RFTN2: variants seen among roughly 807,000 people sequenced by gnomAD.
RFTN2 encodes the protein raftlin-2.
Under a neutral mutation model 52.7 loss-of-function variants are expected in RFTN2, and 34 were observed. The ratio of observed to expected loss-of-function variants is 0.64; its 90% CI spans 0.49 to 0.86. RFTN2 has a LOEUF of 0.86. Ranked by LOEUF, RFTN2 falls within the 40% of genes least tolerant of loss-of-function variation. The probability of loss-of-function intolerance (pLI) is 0.00; values close to 1 mark genes in which losing one functional copy is unlikely to be tolerated. For missense variants in RFTN2, 536 were observed against 600.1 expected, an observed-to-expected ratio of 0.89 and a Z score of 1.12; for synonymous variants, 203 against 217.7, an observed-to-expected ratio of 0.93 and a Z score of 0.59.
At chr2:197,625,169 A>T (rs141206709) in intron 5 of RFTN2, among the ~76,000 whole-genome samples, 1 of 152,196 alleles carries the variant, frequency 6.6e-6, no homozygotes, top group East Asian at 1.9e-4. Flanking sequence ...AAATATATTC[A>T]TCTTACATAA....
Position 197,571,545 on chromosome 2 carries a change from AT to A in RFTN2, c.*462del, listed in dbSNP as rs1287878051. 6.4e-6 allele frequency: 1 copy of A among 155,360 alleles called. No individual in the cohort carries two copies. 9.6% of individuals were successfully genotyped at this position (155,360 alleles called of 1,614,324 possible). On this transcript the variant is annotated 3_prime_UTR_variant, in exon 9 of 9. Transcript: ENST00000295049. ...TATTATATTTGGGAAATAGATATTTATTTGCACTAATTAGCTGTGTGTGTGT... is the reference window on the plus strand; with the variant it reads ...TATTATATTTGGGAAATAGATATTTATTGCACTAATTAGCTGTGTGTGTGT...
In RFTN2 at chr2:197,640,224, A is replaced by G. The variant is rs1457495174; in HGVS notation, c.438+3934T>C. Among the ~76,000 whole-genome samples the G allele has an allele frequency of 2.6e-5, 4 of 152,314 alleles. No individual in the cohort carries two copies. The East Asian group carries it at 5.8e-4, about 22-fold the overall frequency. ...CCCTGCCCCCAGAGGTGGAGCCTAC[A>G]GAGGCAGGCAGGCCTCCTTGAGCTG... On this transcript the variant is annotated intron_variant, in intron 3 of 8. Transcript: ENST00000295049.
At chr2:197,635,016 T>C (rs1163150209) in intron 3 of RFTN2, among the ~76,000 whole-genome samples, 2 of 151,766 alleles carry the variant, frequency 1.3e-5, no homozygotes, top group Admixed American at 6.6e-5. Flanking sequence ...GATAGTTTAC[T>C]AAGAATGATG....
chr2:197,666,546 TTTCTC>T (rs2089065644), intron 1 of RFTN2, among the ~76,000 whole-genome samples: 1 of 152,216 alleles, frequency 6.6e-6, no homozygotes, highest in African/African-American at 2.4e-5. Context: ...ACTAGATACT[TTTCTC>T]TTGCTGTTTT....
intron 6 of RFTN2, among the ~76,000 whole-genome samples, chr2:197,616,836 T>C (rs935870087): frequency 6.6e-6 from 1 of 152,188 alleles, no homozygotes; most frequent in Non-Finnish European, 1.5e-5. Flanking sequence ...ACTCAATGGG[T>C]TTTCTAGTTT....
intron 1 of RFTN2, among the ~76,000 whole-genome samples, chr2:197,650,132 G>A (rs1050652153): frequency 4.6e-5 from 7 of 151,700 alleles, no homozygotes; most frequent in African/African-American, 1.7e-4. Flanking sequence ...TATAAAAATT[G>A]TAGGAAAAAC....
At chr2:197,602,341 G>A (rs1318641389) in intron 7 of RFTN2, among the ~76,000 whole-genome samples, 3 of 152,098 alleles carry the variant, frequency 2.0e-5, no homozygotes, top group African/African-American at 7.2e-5. Flanking sequence ...AAAGTGCTGG[G>A]ATTACTGGTG....
At chr2:197,623,659 A>G (rs548749947) in intron 5 of RFTN2, among the ~76,000 whole-genome samples, 6 of 150,010 alleles carry the variant, frequency 4.0e-5, no homozygotes, top group East Asian at 3.9e-4. Context: ...TTGCATTTTA[A>G]TTTATTATTT....
chr2:197,617,155 G>A (rs2088158487), intron 6 of RFTN2, among the ~76,000 whole-genome samples: 3 of 152,144 alleles, frequency 2.0e-5, no homozygotes, highest in Non-Finnish European at 4.4e-5. Flanking sequence ...AGTCACATTG[G>A]TTGATTGGAG....
intron 1 of RFTN2, among the ~76,000 whole-genome samples, chr2:197,662,680 A>G (rs566390172): frequency 1.3e-5 from 2 of 152,054 alleles, no homozygotes; most frequent in Non-Finnish European, 2.9e-5. Flanking sequence ...TGGAATCTGT[A>G]GATTGCCTTG....
chr2:197,601,173 T>C (rs903906600), intron 7 of RFTN2, among the ~76,000 whole-genome samples: 5 of 152,214 alleles, frequency 3.3e-5, no homozygotes, highest in East Asian at 1.9e-4. Context: ...CCCTGGAGCA[T>C]AGGAGATGCT....
chr2:197,573,993 G>A (rs1269069621), intron 8 of RFTN2, among the ~76,000 whole-genome samples: 1 of 152,272 alleles, frequency 6.6e-6, no homozygotes, highest in African/African-American at 2.4e-5. Context: ...TGGATGTCCA[G>A]GTAGAGGTGT....
chr2:197,661,451 G>A (rs1045198619), intron 1 of RFTN2, among the ~76,000 whole-genome samples: 5 of 151,536 alleles, frequency 3.3e-5, no homozygotes, highest in African/African-American at 1.2e-4. Flanking sequence ...TCTCACAATG[G>A]TGCCCAGGCT....
chr2:197,646,252 C>T (rs190662627), intron 2 of RFTN2, among the ~76,000 whole-genome samples: 20 of 152,296 alleles, frequency 1.3e-4, no homozygotes, highest in Non-Finnish European at 1.5e-5. Flanking sequence ...TGTTCACTGA[C>T]ATCCTCACTT....
chr2:197,594,173 G>A lies in RFTN2; in HGVS notation c.1233+1818C>T, dbSNP rs188053671. Among the ~76,000 whole-genome samples the A allele has an allele frequency of 3.9e-3, 597 of 151,676 alleles. 2 individuals are homozygous for A. The highest frequency in any genetic ancestry group is 7.0e-3 in the Non-Finnish European group (473 of 67,918). ...TGGTACGACAGGCACGTGCCACCAC[G>A]CCTGGCTAATTTTTGTATTTTTAGT... On this transcript the variant is annotated intron_variant, in intron 8 of 8. Coordinates refer to ENST00000295049, the MANE Select transcript of RFTN2 (RefSeq NM_144629.3).
intron 1 of RFTN2, among the ~76,000 whole-genome samples, chr2:197,674,730 CAG>C (rs2089193304): frequency 6.6e-6 from 1 of 151,718 alleles, no homozygotes; most frequent in African/African-American, 2.4e-5. Context: ...CTTTCTGGAA[CAG>C]AGAGTTTCTC....
At chr2:197,671,805 G>A (rs1466630589) in intron 1 of RFTN2, among the ~76,000 whole-genome samples, 1 of 152,106 alleles carries the variant, frequency 6.6e-6, no homozygotes, top group Non-Finnish European at 1.5e-5. Context: ...CCAATTTTCT[G>A]TTGGGTTTTA....
At chr2:197,656,715 T>G (rs146672194) in intron 1 of RFTN2, among the ~76,000 whole-genome samples, 1 of 152,226 alleles carries the variant, frequency 6.6e-6, no homozygotes, top group African/African-American at 2.4e-5. Flanking sequence ...TAGAGGTCTC[T>G]AACTCACTTT....
intron 1 of RFTN2, among the ~76,000 whole-genome samples, chr2:197,658,087 T>G (rs879648050): frequency 6.6e-6 from 1 of 152,168 alleles, no homozygotes; most frequent in Non-Finnish European, 1.5e-5. Context: ...AGTCTTTGAT[T>G]TGATGTTCTT....
Sources: allele counts gnomAD v4.1 joint callset (sites outside exome capture counted in the v4.1 genomes callset), GRCh38; gene constraint gnomAD v4.1.1; transcripts MANE v1.5; gene names NCBI Gene and HGNC (gene_info 2026-07-23, HGNC 2026-07-21).